Variants in TMEM232 observed in about 807,000 individuals in gnomAD.
TMEM232 encodes the protein transmembrane protein 232.
In TMEM232, 80 loss-of-function variants were observed where a neutral mutation model predicts 78.8. That is an observed-to-expected ratio of 1.01 (90% CI 0.85 to 1.22). The LOEUF (loss-of-function observed/expected upper bound fraction) is 1.22, where lower values mean the gene tolerates loss of function less well. Ranked by LOEUF, TMEM232 falls within the 50% of genes most tolerant of loss-of-function variation. TMEM232 has a pLI of 0.00. For synonymous variants in TMEM232, 297 were observed against 254.3 expected (o/e 1.17, Z -1.60); for missense variants, 881 against 742.2 (o/e 1.19, Z -2.17).
chr5:110,487,196 C>T (rs1039242577), intron 12 of TMEM232, among the ~76,000 whole-genome samples: 1 of 151,948 alleles, frequency 6.6e-6, no homozygotes, highest in African/African-American at 2.4e-5. Flanking sequence ...TTTCTCAGTT[C>T]TAGGAGCTTT....
intron 12 of TMEM232, among the ~76,000 whole-genome samples, chr5:110,491,465 A>G (rs1242654657): frequency 6.6e-6 from 1 of 152,072 alleles, no homozygotes; most frequent in African/African-American, 2.4e-5. Flanking sequence ...TCCACAGAAA[A>G]GAAAGTAGAT....
chr5:110,417,648 A>AAAAT (rs10558637), downstream of TMEM232: 4 of 131,466 alleles, frequency 3.0e-5, no homozygotes, highest in East Asian at 8.8e-4. Flanking sequence ...TGTCCGGGGT[A>AAAAT]AAATAAATAA....
At chr5:110,668,565 T>A (rs1006693939) in intron 1 of TMEM232, among the ~76,000 whole-genome samples, 1 of 152,150 alleles carries the variant, frequency 6.6e-6, no homozygotes, top group African/African-American at 2.4e-5. Flanking sequence ...AATGTCATTG[T>A]CTATTGCTAT....
intron 3 of TMEM232, among the ~76,000 whole-genome samples, chr5:110,395,823 T>A (rs1755364130): frequency 6.6e-6 from 1 of 152,146 alleles, no homozygotes; most frequent in Non-Finnish European, 1.5e-5. Flanking sequence ...TCCGCAAATG[T>A]CTTTAAAGGG....
intron 12 of TMEM232, among the ~76,000 whole-genome samples, chr5:110,453,970 A>G (rs1368965297): frequency 2.0e-5 from 3 of 152,340 alleles, no homozygotes; most frequent in Admixed American, 1.3e-4. Context: ...AAAACATTCT[A>G]AGTGTGTGTG....
chr5:110,717,080 G>C (rs993704587), intron 1 of TMEM232, among the ~76,000 whole-genome samples: 2 of 152,048 alleles, frequency 1.3e-5, no homozygotes, highest in Non-Finnish European at 2.9e-5. Context: ...AGGCAATCTG[G>C]ACTAGAACAA....
At chr5:110,526,343 G>C (rs1045775331) in intron 12 of TMEM232, among the ~76,000 whole-genome samples, 1 of 150,784 alleles carries the variant, frequency 6.6e-6, no homozygotes, top group Non-Finnish European at 1.5e-5. Flanking sequence ...TAGATTAATA[G>C]ATATATAGTC....
intron 12 of TMEM232, among the ~76,000 whole-genome samples, chr5:110,465,366 A>G (rs1327253612): frequency 6.6e-6 from 1 of 152,154 alleles, no homozygotes; most frequent in Non-Finnish European, 1.5e-5. Context: ...GGTGGTTAAC[A>G]TCTTATGAAA....
chr5:110,700,919 G>A (rs1795374222), intron 1 of TMEM232, among the ~76,000 whole-genome samples: 2 of 151,848 alleles, frequency 1.3e-5, no homozygotes, highest in African/African-American at 4.8e-5. Context: ...CTTCCTCAGA[G>A]TAATCAAACT....
At chr5:110,412,314 T>C (rs918718416) in intron 2 of TMEM232, among the ~76,000 whole-genome samples, 1 of 152,200 alleles carries the variant, frequency 6.6e-6, no homozygotes, top group Non-Finnish European at 1.5e-5. Flanking sequence ...CTTGAAAATA[T>C]CATAAAGGAA....
chr5:110,546,570 T>C (rs945117035), intron 11 of TMEM232, among the ~76,000 whole-genome samples: 6 of 152,036 alleles, frequency 3.9e-5, no homozygotes, highest in South Asian at 2.1e-4. Context: ...AGCAAAGAAT[T>C]AGGAAAGGAG....
chr5:110,402,879 C>T (rs1580559723), intron 2 of TMEM232, among the ~76,000 whole-genome samples: 1 of 151,898 alleles, frequency 6.6e-6, no homozygotes, highest in Admixed American at 6.6e-5. Flanking sequence ...AAATCCAGAT[C>T]CCTATGACCA....
At chr5:110,620,355 T>C (rs1783476125) in intron 7 of TMEM232, among the ~76,000 whole-genome samples, 1 of 152,150 alleles carries the variant, frequency 6.6e-6, no homozygotes, top group Non-Finnish European at 1.5e-5. Flanking sequence ...CACTTGACAA[T>C]TTGTTTCTAA....
chr5:110,522,020 T>C (rs1265631532), intron 12 of TMEM232, among the ~76,000 whole-genome samples: 2 of 152,202 alleles, frequency 1.3e-5, no homozygotes, highest in Non-Finnish European at 2.9e-5. Context: ...TTTGATTGCA[T>C]TGAATCTGTG....
intron 1 of TMEM232, among the ~76,000 whole-genome samples, chr5:110,684,595 A>G (rs1199350007): frequency 6.6e-6 from 1 of 152,214 alleles, no homozygotes; most frequent in Non-Finnish European, 1.5e-5. Flanking sequence ...AGAATAAATT[A>G]GTAAACAGGA....
At chr5:110,510,982 GAC>G (rs1487200282) in intron 12 of TMEM232, among the ~76,000 whole-genome samples, 4 of 152,102 alleles carry the variant, frequency 2.6e-5, no homozygotes, top group Admixed American at 6.6e-5. Flanking sequence ...CTACTATAAA[GAC>G]ACATGCACGT....
intron 2 of TMEM232, among the ~76,000 whole-genome samples, chr5:110,642,573 A>G (rs1239895028): frequency 6.6e-6 from 1 of 152,164 alleles, no homozygotes; most frequent in Non-Finnish European, 1.5e-5. Flanking sequence ...ATTGAGAAAC[A>G]TAATTCCCAT....
chr5:110,642,652 G>A (rs1786908725), intron 2 of TMEM232, among the ~76,000 whole-genome samples: 1 of 151,966 alleles, frequency 6.6e-6, no homozygotes. Flanking sequence ...GTTGGTATAA[G>A]CCTTCTTTAG....
chr5:110,543,473 A>T (rs918232201), intron 11 of TMEM232, among the ~76,000 whole-genome samples: 2 of 152,188 alleles, frequency 1.3e-5, no homozygotes, highest in African/African-American at 4.8e-5. Flanking sequence ...GTGCACTATG[A>T]AAGATCTGAA....
Sources: gnomAD v4.1 joint callset for allele counts (sites outside exome capture counted in the v4.1 genomes callset) on GRCh38, gnomAD v4.1.1 for gene constraint, MANE v1.5 for transcripts, NCBI Gene and HGNC (gene_info 2026-07-23, HGNC 2026-07-21) for gene names.